ACMSD: variants seen among roughly 807,000 people sequenced by gnomAD.
ACMSD encodes the protein aminocarboxymuconate semialdehyde decarboxylase.
In ACMSD, 37 loss-of-function variants were observed where a neutral mutation model predicts 45.9. The observed-to-expected ratio is 0.81, with a 90% confidence interval of 0.62 to 1.06. The LOEUF is 1.06. Ranked by LOEUF, ACMSD falls within the 50% of genes least tolerant of loss-of-function variation. The pLI, the probability that ACMSD is intolerant of heterozygous loss-of-function variation, is 0.00. For synonymous variants in ACMSD, 138 were observed against 148.8 expected (o/e 0.93, Z 0.53); for missense variants, 434 against 420.9 (o/e 1.03, Z -0.27).
intron 7 of ACMSD, among the ~76,000 whole-genome samples, chr2:134,871,740 C>T (rs1192267199): frequency 1.3e-5 from 2 of 151,182 alleles, no homozygotes; most frequent in Admixed American, 6.6e-5. Flanking sequence ...TACTCGCTAA[C>T]ATGCCTTTCC....
At chr2:134,871,482 CT>C (rs1421975627) in intron 7 of ACMSD, among the ~76,000 whole-genome samples, 1 of 149,140 alleles carries the variant, frequency 6.7e-6, no homozygotes, top group Non-Finnish European at 1.5e-5. Context: ...CCAAATTCTA[CT>C]TTTGTAGGCA....
In ACMSD at chr2:134,865,331, T is replaced by C. The variant is rs1290337396; in HGVS notation, c.486+1700T>C. 2.0e-5 allele frequency among the ~76,000 whole-genome samples: 3 copies of C among 152,258 alleles called. No homozygotes were observed. The East Asian group carries it at 5.8e-4, about 29-fold the overall frequency. ...CTTTGAAAGAGGATTTATTTACTTATGCATCCAAGTTGTTTCAGCACAGTG... is the reference window on the plus strand; with the variant it reads ...CTTTGAAAGAGGATTTATTTACTTACGCATCCAAGTTGTTTCAGCACAGTG... On this transcript the variant is annotated intron_variant, in intron 5 of 9. Coordinates refer to ENST00000356140, the MANE Select transcript of ACMSD (RefSeq NM_138326.3).
chr2:134,890,756 G>A (rs1326720116), intron 8 of ACMSD, among the ~76,000 whole-genome samples: 1 of 151,852 alleles, frequency 6.6e-6, no homozygotes, highest in African/African-American at 2.4e-5. Context: ...AGCAAAGATG[G>A]CAAAGTATAA....
intron 2 of ACMSD, 125 bp downstream of exon 2, chr2:134,845,402 A>G: frequency 1.0e-6 from 1 of 977,930 alleles, no homozygotes; most frequent in Non-Finnish European, 1.6e-6. Context: ...TTTGTTGTAG[A>G]CAAGGGAACA....
chr2:134,869,526 A>G (rs1374731911), intron 6 of ACMSD, among the ~76,000 whole-genome samples: 1 of 152,022 alleles, frequency 6.6e-6, no homozygotes, highest in Non-Finnish European at 1.5e-5. Context: ...AAACTTATTT[A>G]TATTGCAACA....
chr2:134,853,603 A>T (rs1687448169), intron 2 of ACMSD, among the ~76,000 whole-genome samples: 1 of 152,178 alleles, frequency 6.6e-6, no homozygotes, highest in Non-Finnish European at 1.5e-5. Context: ...CTCCAGCAGC[A>T]AGTGCTGACA....
intron 2 of ACMSD, among the ~76,000 whole-genome samples, chr2:134,849,008 G>C (rs1687207475): frequency 6.6e-6 from 1 of 152,134 alleles, no homozygotes; most frequent in Non-Finnish European, 1.5e-5. Flanking sequence ...GATGCTCTAA[G>C]CTGGCCTCAA....
chr2:134,881,814 CCT>C (rs1689054540), intron 8 of ACMSD, among the ~76,000 whole-genome samples: 1 of 151,964 alleles, frequency 6.6e-6, no homozygotes, highest in Non-Finnish European at 1.5e-5. Flanking sequence ...ATGGTGAAAC[CCT>C]GTCTCTACTA....
intron 5 of ACMSD, among the ~76,000 whole-genome samples, chr2:134,863,990 C>T (rs1687975018): frequency 6.6e-6 from 1 of 151,892 alleles, no homozygotes; most frequent in Non-Finnish European, 1.5e-5. Context: ...ATATTTTGGC[C>T]AGGTGCAGCA....
chr2:134,888,610 A>G (rs1291160632), intron 8 of ACMSD, among the ~76,000 whole-genome samples: 1 of 152,224 alleles, frequency 6.6e-6, no homozygotes, highest in Non-Finnish European at 1.5e-5. Flanking sequence ...ACAAATTACC[A>G]TATATCTGAC....
intron 8 of ACMSD, among the ~76,000 whole-genome samples, chr2:134,874,474 C>G (rs1688630307): frequency 6.6e-6 from 1 of 152,106 alleles, no homozygotes; most frequent in South Asian, 2.1e-4. Context: ...TAAGGAAAGT[C>G]CTAGCTAGAC....
intron 1 of ACMSD, among the ~76,000 whole-genome samples, chr2:134,843,001 C>A (rs542097050): frequency 6.6e-6 from 1 of 152,284 alleles, no homozygotes; most frequent in Admixed American, 6.5e-5. Context: ...CGGGAGAAAG[C>A]AGGCAGTAGA....
At chr2:134,883,433 C>G (rs1481034381) in intron 8 of ACMSD, among the ~76,000 whole-genome samples, 1 of 152,152 alleles carries the variant, frequency 6.6e-6, no homozygotes, top group Admixed American at 6.5e-5. Flanking sequence ...ACCCAGGATT[C>G]CTCATGTAAT....
chr2:134,885,265 ATAAATATATATATTATATATTATATTT>A (rs1689273022), intron 8 of ACMSD, among the ~76,000 whole-genome samples: 1 of 90,456 alleles, frequency 1.1e-5, no homozygotes, highest in Non-Finnish European at 1.9e-5. Flanking sequence ...TAATATATAT[ATAAATATATATATTATATATTATATTT>A]ATATATATAT....
intron 8 of ACMSD, among the ~76,000 whole-genome samples, chr2:134,885,395 T>C (rs1326310116): frequency 9.5e-6 from 1 of 105,180 alleles, no homozygotes; most frequent in Non-Finnish European, 1.8e-5. Context: ...TGTAAATATA[T>C]ATATTTATAT....
chr2:134,841,331 C>G (rs1686796036), intron 1 of ACMSD, among the ~76,000 whole-genome samples: 1 of 152,016 alleles, frequency 6.6e-6, no homozygotes, highest in Non-Finnish European at 1.5e-5. Context: ...AAAACTGGCC[C>G]AAGAGAGTAC....
chr2:134,863,192 C>A, intron 4 of ACMSD: 1 of 509,998 alleles, frequency 2.0e-6, no homozygotes, highest in Non-Finnish European at 2.5e-6. Flanking sequence ...CAGCAATATA[C>A]CTGCAGTTTT....
chr2:134,869,103 G>A (rs1688285024), intron 6 of ACMSD: 1 of 152,118 alleles, frequency 6.6e-6, no homozygotes, highest in Admixed American at 6.5e-5. Flanking sequence ...AAATTCTTGG[G>A]CAATAATTAA....
Position 134,863,706 on chromosome 2 carries a change from G to C in ACMSD, c.486+75G>C, listed in dbSNP as rs537205400. 34 of 1,498,004 alleles carry C rather than the reference G, an allele frequency of 2.3e-5. No individual in the cohort carries two copies. The East Asian group carries it at 7.5e-4, about 33-fold the overall frequency. The allele number at this position is 1,498,004 out of a possible 1,614,324, so 92.8% of individuals were successfully genotyped here. On this transcript the variant is annotated intron_variant, in intron 5 of 9. Coordinates refer to ENST00000356140, the MANE Select transcript of ACMSD (RefSeq NM_138326.3). ...GGGGGCACCGCTGGGTGCTGGCAGG[G>C]AGGAGGTGAAGCGTCACCCCACTGG...
Sources: allele counts gnomAD v4.1 joint callset (sites outside exome capture counted in the v4.1 genomes callset), GRCh38; gene constraint gnomAD v4.1.1; transcripts MANE v1.5; gene names NCBI Gene and HGNC (gene_info 2026-07-23, HGNC 2026-07-21).